The following LRP1B variants were observed in gnomAD, a reference collection of about 807,000 sequenced individuals.
LRP1B encodes LDL receptor related protein 1B.
A neutral mutation model predicts 556.6 loss-of-function variants in LRP1B; 217 were observed. The ratio of observed to expected loss-of-function variants is 0.39; its 90% CI spans 0.35 to 0.44. LRP1B has a LOEUF of 0.44. LRP1B is among the 20% of genes least tolerant of loss of function. The probability of loss-of-function intolerance (pLI) is 1.00; values close to 1 mark genes in which losing one functional copy is unlikely to be tolerated. For synonymous variants in LRP1B, 2,047 were observed against 1,865.8 expected, an observed-to-expected ratio of 1.10 and a Z score of -2.50; for missense variants, 5,053 against 5,620.8, an observed-to-expected ratio of 0.90 and a Z score of 3.23.
At chr2:141,324,380 T>A (rs1432931939) in intron 3 of LRP1B, among the ~76,000 whole-genome samples, 1 of 152,144 alleles carries the variant, frequency 6.6e-6, no homozygotes, top group Non-Finnish European at 1.5e-5. Context: ...TCTTCATGGT[T>A]TTGTTGTGGT....
chr2:140,337,588 T>C lies in LRP1B; in HGVS notation c.11893-1750A>G, dbSNP rs554052762. On this transcript the variant is annotated intron_variant, in intron 77 of 90. Coordinates refer to ENST00000389484, the MANE Select transcript of LRP1B (RefSeq NM_018557.3). ...ATAAATCTACAAACATGAAAGACAA[T>C]GGGAAAAATCACCATTATAAGCTGT... is the stretch of plus-strand genomic sequence containing the variant. Among the ~76,000 whole-genome samples, 454 of 151,890 alleles carry C rather than the reference T, an allele frequency of 3.0e-3. 2 individuals are homozygous for C. Among genetic ancestry groups the C allele is most frequent in the Non-Finnish European group, 2.8e-3 (189 of 67,824 alleles).
At chr2:141,135,040 G>A (rs1269916519) in intron 7 of LRP1B, among the ~76,000 whole-genome samples, 1 of 151,748 alleles carries the variant, frequency 6.6e-6, no homozygotes, top group East Asian at 1.9e-4. Context: ...TCAAATCGAA[G>A]TGAGTGAAGA....
At chr2:140,464,764 A>G (rs1341062454) in intron 60 of LRP1B, among the ~76,000 whole-genome samples, 1 of 152,218 alleles carries the variant, frequency 6.6e-6, no homozygotes, top group Non-Finnish European at 1.5e-5. Flanking sequence ...ATTATATTCA[A>G]CACACATATA....
intron 1 of LRP1B, among the ~76,000 whole-genome samples, chr2:141,983,543 A>G (rs1194555203): frequency 7.9e-5 from 12 of 152,168 alleles, no homozygotes; most frequent in Admixed American, 7.9e-4. Context: ...TTGGTGCCTT[A>G]GTGGCATAAA....
chr2:140,350,778 T>C lies in LRP1B; in HGVS notation c.11892+19A>G, dbSNP rs1681921600. 5.0e-6 allele frequency: 8 copies of C among 1,605,346 alleles called. No homozygotes were observed. The South Asian group carries it at 9.0e-5, about 18-fold the overall frequency. ...GGGAAAAGGTATGGACTTTCAAATATACAATGGTATTTACTTACAATCAAG... is the reference window on the plus strand; with the variant it reads ...GGGAAAAGGTATGGACTTTCAAATACACAATGGTATTTACTTACAATCAAG... On this transcript the variant is annotated intron_variant, in intron 77 of 90. Coordinates refer to ENST00000389484, the MANE Select transcript of LRP1B (RefSeq NM_018557.3).
chr2:141,889,298 C>T (rs1016367853), intron 1 of LRP1B, among the ~76,000 whole-genome samples: 3 of 152,062 alleles, frequency 2.0e-5, no homozygotes, highest in Admixed American at 2.0e-4. Flanking sequence ...TGCAAGAAGA[C>T]ATTGTATTGA....
chr2:141,907,798 A>G (rs929807283), intron 1 of LRP1B, among the ~76,000 whole-genome samples: 1 of 151,920 alleles, frequency 6.6e-6, no homozygotes, highest in Non-Finnish European at 1.5e-5. Context: ...AATAACACAT[A>G]AGTGAATGGG....
chr2:140,716,522 T>A (rs1687215497), intron 36 of LRP1B, among the ~76,000 whole-genome samples, 160 bp downstream of exon 36: 1 of 151,962 alleles, frequency 6.6e-6, no homozygotes, highest in Admixed American at 6.6e-5. Flanking sequence ...CTCAAAAACA[T>A]TAGAAGGAGC....
intron 6 of LRP1B, among the ~76,000 whole-genome samples, chr2:141,223,045 G>T (rs891531038): frequency 1.3e-5 from 2 of 152,104 alleles, no homozygotes; most frequent in East Asian, 3.8e-4. Context: ...AGGGCAATCA[G>T]GCAAGAGAAA....
At chr2:141,592,138 G>A (rs570611723) in intron 2 of LRP1B, among the ~76,000 whole-genome samples, 1 of 152,026 alleles carries the variant, frequency 6.6e-6, no homozygotes, top group South Asian at 2.1e-4. Flanking sequence ...CCAACCACTC[G>A]TTGACTCCAT....
chr2:140,795,115 ATTAT>A (rs920203351), intron 32 of LRP1B, among the ~76,000 whole-genome samples: 3 of 152,162 alleles, frequency 2.0e-5, no homozygotes, highest in African/African-American at 7.2e-5. Flanking sequence ...AGCCACAAGT[ATTAT>A]TTGTCTTACT....
At chr2:141,755,520 T>C (rs1694285442) in intron 2 of LRP1B, among the ~76,000 whole-genome samples, 1 of 152,076 alleles carries the variant, frequency 6.6e-6, no homozygotes, top group Non-Finnish European at 1.5e-5. Context: ...TACTACTCAG[T>C]CTTGGCAAGG....
intron 41 of LRP1B, among the ~76,000 whole-genome samples, chr2:140,606,608 C>A (rs1682876717): frequency 6.6e-6 from 1 of 151,878 alleles, no homozygotes; most frequent in South Asian, 2.1e-4. Flanking sequence ...CTGATTTCAA[C>A]CTCAGTATAA....
chr2:141,898,186 A>C (rs1357647965), intron 1 of LRP1B, among the ~76,000 whole-genome samples: 2 of 152,112 alleles, frequency 1.3e-5, no homozygotes, highest in East Asian at 3.9e-4. Context: ...TGGTTCAAAC[A>C]AAACCTTGAT....
rs1018871738 is a variant in LRP1B at position 141,025,745 on chromosome 2, A to C, written c.1790-5643T>G. Among the ~76,000 whole-genome samples, 15 of 152,136 alleles carry C rather than the reference A, an allele frequency of 9.9e-5. 1 individual carries two copies. In the East Asian group the frequency reaches 1.2e-3, roughly 12 times the overall value. ...TAAATCTTTTTTTCTCTGTCTCTCTATATATACATTCTGTTTGTTCTGTTT... is the reference window on the plus strand; with the variant it reads ...TAAATCTTTTTTTCTCTGTCTCTCTCTATATACATTCTGTTTGTTCTGTTT... On this transcript the variant is annotated intron_variant, in intron 11 of 90. Transcript: ENST00000389484.
intron 5 of LRP1B, among the ~76,000 whole-genome samples, chr2:141,239,235 T>C (rs980193306): frequency 3.9e-5 from 6 of 152,100 alleles, no homozygotes; most frequent in Non-Finnish European, 7.4e-5. Flanking sequence ...CAGTTGTCAG[T>C]TGTGTGCTTA....
At chr2:140,521,868 C>T (rs967355860) in intron 49 of LRP1B, among the ~76,000 whole-genome samples, 1 of 151,840 alleles carries the variant, frequency 6.6e-6, no homozygotes, top group Non-Finnish European at 1.5e-5. Flanking sequence ...GCAGTATTTG[C>T]TATTCGTATA....
chr2:141,178,711 A>C (rs1194268518), intron 7 of LRP1B, among the ~76,000 whole-genome samples: 1 of 152,084 alleles, frequency 6.6e-6, no homozygotes, highest in Non-Finnish European at 1.5e-5. Flanking sequence ...CCAGATGACA[A>C]ATTTTCCTCA....
intron 7 of LRP1B, among the ~76,000 whole-genome samples, chr2:141,181,643 G>T (rs7601535): frequency 6.6e-6 from 1 of 151,866 alleles, no homozygotes; most frequent in South Asian, 2.1e-4. Flanking sequence ...GTCAAAGAGC[G>T]CAATGAGAGT....
Sources: gnomAD v4.1 joint callset for allele counts (sites outside exome capture counted in the v4.1 genomes callset) on GRCh38, gnomAD v4.1.1 for gene constraint, MANE v1.5 for transcripts, NCBI Gene and HGNC (gene_info 2026-07-23, HGNC 2026-07-21) for gene names.